ADAM22: variants seen among roughly 807,000 people sequenced by gnomAD.
ADAM22 encodes the protein disintegrin and metalloproteinase domain-containing protein 22.
ADAM22 carries 65 observed loss-of-function variants against 144.6 expected under a neutral mutation model. That is an observed-to-expected ratio of 0.45 (90% CI 0.37 to 0.55). The LOEUF (loss-of-function observed/expected upper bound fraction) is 0.55, where lower values mean the gene tolerates loss of function less well. ADAM22 is among the 20% of genes least tolerant of loss of function. The pLI is 0.00. For synonymous variants in ADAM22, 391 were observed against 412.6 expected, an observed-to-expected ratio of 0.95 and a Z score of 0.63; for missense variants, 974 against 1,184.9, an observed-to-expected ratio of 0.82 and a Z score of 2.61.
chr7:87,954,130 T>G (rs1320318968), intron 2 of ADAM22, among the ~76,000 whole-genome samples: 1 of 152,160 alleles, frequency 6.6e-6, no homozygotes, highest in Non-Finnish European at 1.5e-5. Flanking sequence ...TTGGAGCATT[T>G]AGTCCATTTA....
intron 2 of ADAM22, among the ~76,000 whole-genome samples, chr7:87,956,400 G>T (rs1846756059): frequency 6.6e-6 from 1 of 152,014 alleles, no homozygotes; most frequent in South Asian, 2.1e-4. Flanking sequence ...GTAATCCCAG[G>T]AACAAAATAG....
At chr7:88,178,404 G>A (rs1467574324) in intron 26 of ADAM22, among the ~76,000 whole-genome samples, 1 of 151,938 alleles carries the variant, frequency 6.6e-6, no homozygotes, top group African/African-American at 2.4e-5. Context: ...GAATAATGAA[G>A]CTCTAAATTG....
chr7:87,942,128 C>T (rs182473683), intron 2 of ADAM22, among the ~76,000 whole-genome samples: 1 of 151,864 alleles, frequency 6.6e-6, no homozygotes, highest in African/African-American at 2.4e-5. Flanking sequence ...AAAAGTGGGG[C>T]TGGGGGATGG....
Position 88,200,935 on chromosome 7 carries a change from GCAGCCCATCC to G in ADAM22, c.*4449_*4458del, listed in dbSNP as rs1410334085. The stretch of plus-strand genomic sequence containing the variant: ...TCTTGTGAAAATTGGCTGAGCGGCA[GCAGCCCATCC>G]CAGCTGTGTGTGAGTAGCCCCGCTG... On this transcript the variant is annotated 3_prime_UTR_variant, in exon 32 of 32. Coordinates refer to ENST00000413139, the MANE Select transcript of ADAM22 (RefSeq NM_001324418.2). The G allele has an allele frequency of 3.9e-5, 6 of 152,270 alleles. No homozygotes were observed. Among genetic ancestry groups the G allele is most frequent in the African/African-American group, 1.2e-4 (5 of 41,454 alleles). The allele number at this position is 152,270 out of a possible 1,614,324, so 9.4% of individuals were successfully genotyped here. A position where few individuals can be genotyped will look rare whatever the true frequency, so the allele number is the denominator to read the frequency against.
intron 2 of ADAM22, among the ~76,000 whole-genome samples, chr7:87,965,440 T>A (rs1326914061): frequency 6.6e-6 from 1 of 152,230 alleles, no homozygotes; most frequent in Non-Finnish European, 1.5e-5. Flanking sequence ...GTTTATTATA[T>A]GTAAATGTGT....
rs142381450 is a variant in ADAM22 at position 87,980,913 on chromosome 7, A to C, written c.323+2501A>C. On this transcript the variant is annotated intron_variant, in intron 3 of 31. Coordinates refer to ENST00000413139, the MANE Select transcript of ADAM22 (RefSeq NM_001324418.2). ...GAAACATATGGCCTGGTCTGGCCAC[A>C]CTAGTCCTAGGCTGCATTGGACCTT... Among the ~76,000 whole-genome samples, 10 of 152,274 alleles carry C rather than the reference A, an allele frequency of 6.6e-5. No individual in the cohort carries two copies. In the East Asian group the frequency reaches 1.7e-3, roughly 26 times the overall value.
chr7:88,154,092 G>T (rs1292496520), intron 21 of ADAM22, among the ~76,000 whole-genome samples: 5 of 152,122 alleles, frequency 3.3e-5, no homozygotes, highest in Non-Finnish European at 7.3e-5. Flanking sequence ...AATCTTCATG[G>T]CAGTCCTCCC....
At chr7:87,958,532 C>T (rs575487530) in intron 2 of ADAM22, among the ~76,000 whole-genome samples, 135 of 151,862 alleles carry the variant, frequency 8.9e-4, no homozygotes, top group Non-Finnish European at 1.6e-3. Flanking sequence ...ATTACAGGCA[C>T]GCACCATCAT....
At chr7:88,100,125 T>C (rs1822520392) in intron 4 of ADAM22, among the ~76,000 whole-genome samples, 1 of 152,178 alleles carries the variant, frequency 6.6e-6, no homozygotes, top group Non-Finnish European at 1.5e-5. Context: ...GGTGATATAC[T>C]ATACTTCTCT....
At chr7:88,165,493 A>G (rs1842743569) in intron 23 of ADAM22, among the ~76,000 whole-genome samples, 1 of 152,114 alleles carries the variant, frequency 6.6e-6, no homozygotes, top group Non-Finnish European at 1.5e-5. Flanking sequence ...GTATTAGATA[A>G]TTGACAGATG....
chr7:88,131,677 T>G, intron 11 of ADAM22: 1 of 525,486 alleles, frequency 1.9e-6, no homozygotes, highest in Non-Finnish European at 3.4e-6. Context: ...AAATAGAGCA[T>G]TTACTGAGTA....
chr7:88,052,892 A>G (rs1008124973), intron 3 of ADAM22, among the ~76,000 whole-genome samples: 1 of 152,002 alleles, frequency 6.6e-6, no homozygotes, highest in Non-Finnish European at 1.5e-5. Context: ...TTCATGTTGA[A>G]TCTTTCTTCA....
At chr7:88,130,996 G>T (rs758539215) in intron 10 of ADAM22, among the ~76,000 whole-genome samples, 1 of 152,020 alleles carries the variant, frequency 6.6e-6, no homozygotes, top group African/African-American at 2.4e-5. Flanking sequence ...CTTTTTCCAG[G>T]ATACCAGAAA....
At chr7:87,991,461 G>A (rs1584873162) in intron 3 of ADAM22, among the ~76,000 whole-genome samples, 1 of 149,780 alleles carries the variant, frequency 6.7e-6, no homozygotes, top group Non-Finnish European at 1.5e-5. Context: ...CTGCTTCCCG[G>A]GTTCACGCCA....
intron 4 of ADAM22, among the ~76,000 whole-genome samples, chr7:88,106,248 C>G (rs1363879180): frequency 6.6e-6 from 1 of 152,146 alleles, no homozygotes; most frequent in African/African-American, 2.4e-5. Context: ...CCGCAACCCT[C>G]AGTTCATGAT....
intron 2 of ADAM22, among the ~76,000 whole-genome samples, chr7:87,939,369 G>A (rs1842018893): frequency 1.3e-5 from 2 of 152,216 alleles, no homozygotes; most frequent in African/African-American, 2.4e-5. Context: ...AGATGCTGTG[G>A]CACTTTCATG....
At chr7:87,938,414 T>C (rs1432503235) in intron 2 of ADAM22, among the ~76,000 whole-genome samples, 2 of 151,760 alleles carry the variant, frequency 1.3e-5, no homozygotes, top group African/African-American at 4.8e-5. Flanking sequence ...AGACAGGGTT[T>C]CACCATTTTG....
chr7:88,053,566 AGGAAGGAG>A (rs1200185129), intron 3 of ADAM22, among the ~76,000 whole-genome samples: 203 of 149,518 alleles, frequency 1.4e-3, no homozygotes, highest in African/African-American at 5.0e-3. Flanking sequence ...GAAAGAAAGA[AGGAAGGAG>A]GAAAGGAAGG....
At position 88,202,207 on chromosome 7, in the gene ADAM22, T is replaced by C. The variant is rs972627485; in HGVS notation, c.*5716T>C. ...GCAAAAATGACTCAACACCTTTGTT[T>C]TGTATGGAAAACTTTTTTTTTTACA... On this transcript the variant is annotated 3_prime_UTR_variant, in exon 32 of 32. Transcript: ENST00000413139. The C allele has an allele frequency of 3.3e-5, 5 of 152,208 alleles. No individual in the cohort carries two copies. Among genetic ancestry groups the C allele is most frequent in the African/African-American group, 4.8e-5 (2 of 41,454 alleles). The allele number at this position is 152,208 out of a possible 1,614,324, so 9.4% of individuals were successfully genotyped here. A position where few individuals can be genotyped will look rare whatever the true frequency, so the allele number is the denominator to read the frequency against.
Sources: gnomAD v4.1 joint callset for allele counts (sites outside exome capture counted in the v4.1 genomes callset) on GRCh38, gnomAD v4.1.1 for gene constraint, MANE v1.5 for transcripts, NCBI Gene and HGNC (gene_info 2026-07-23, HGNC 2026-07-21) for gene names.